FARP1: variants seen among roughly 807,000 people sequenced by gnomAD.
FARP1 encodes FERM, ARH/RhoGEF and pleckstrin domain protein 1, also known as FERM, ARHGEF and pleckstrin domain-containing protein 1.
FARP1 carries 52 observed loss-of-function variants against 128.8 expected under a neutral mutation model. The ratio of observed to expected loss-of-function variants is 0.40; its 90% confidence interval spans 0.32 to 0.51. The LOEUF is 0.51. Ranked by LOEUF, FARP1 falls within the 20% of genes least tolerant of loss-of-function variation. FARP1 has a pLI of 0.45. For synonymous variants in FARP1, 580 were observed against 551.8 expected (o/e 1.05, Z -0.72); for missense variants, 1,333 against 1,367.9 (o/e 0.97, Z 0.40).
upstream of FARP1, chr13:98,142,855 G>A (rs1348081078): frequency 6.6e-6 from 1 of 151,968 alleles, no homozygotes; most frequent in Non-Finnish European, 1.5e-5. Context: ...GCGCCGCGCG[G>A]AGCCCGGCCC....
chr13:98,177,892 C>G (rs185073947), intron 1 of FARP1: 1 of 152,192 alleles, frequency 6.6e-6, no homozygotes, highest in Non-Finnish European at 1.5e-5. Flanking sequence ...AAGCAACACA[C>G]GCGCAGTGCA....
intron 2 of FARP1, chr13:98,333,014 G>T (rs535482465): frequency 6.6e-6 from 1 of 152,234 alleles, no homozygotes; most frequent in Admixed American, 6.5e-5. Flanking sequence ...AAAGATTCAG[G>T]TTCAGTGGGC....
rs1877256603 is a variant in FARP1, at chr13:98,166,207, T to G, written c.-24+22715T>G. ...TAAATAATCTGTAAAATTTTCCCTG[T>G]CAATAGACATCTAGGTTGTTCTGAA... On this transcript the variant is annotated intron_variant, in intron 1 of 26. Coordinates refer to ENST00000319562, the MANE Select transcript of FARP1 (RefSeq NM_005766.4). Among the ~76,000 whole-genome samples, 3 of 152,198 alleles carry G rather than the reference T, an allele frequency of 2.0e-5. No homozygotes were observed. The South Asian group carries it at 6.2e-4, about 32-fold the overall frequency.
intron 3 of FARP1, among the ~76,000 whole-genome samples, chr13:98,351,851 C>G (rs1469020835): frequency 1.3e-5 from 2 of 152,018 alleles, no homozygotes; most frequent in African/African-American, 2.4e-5. Flanking sequence ...GAGCTGGTGC[C>G]AAACCACTCA....
chr13:98,367,052 A>C (rs561673114), intron 4 of FARP1, among the ~76,000 whole-genome samples: 3 of 152,314 alleles, frequency 2.0e-5, no homozygotes, highest in Middle Eastern at 3.4e-3. Flanking sequence ...ATGTATTGCT[A>C]TCATTCCAAA....
chr13:98,170,125 T>A (rs1403903321), intron 1 of FARP1, among the ~76,000 whole-genome samples: 1 of 152,208 alleles, frequency 6.6e-6, no homozygotes, highest in East Asian at 1.9e-4. Context: ...GAAGAGATTC[T>A]TATTCTCTTG....
At chr13:98,209,472 ATTTTTTTTTTT>A (rs534634730) in intron 1 of FARP1, among the ~76,000 whole-genome samples, 1 of 106,484 alleles carries the variant, frequency 9.4e-6, no homozygotes, top group African/African-American at 3.9e-5. Flanking sequence ...GGGAGGAAAG[ATTTTTTTTTTT>A]TTTTTTTTTT....
At chr13:98,292,942 AC>A (rs1332235560) in intron 2 of FARP1, among the ~76,000 whole-genome samples, 2 of 152,184 alleles carry the variant, frequency 1.3e-5, no homozygotes, top group Admixed American at 6.5e-5. Flanking sequence ...TAAGACACTT[AC>A]ATAGAAAATA....
chr13:98,257,373 A>C (rs1213707074), intron 2 of FARP1, among the ~76,000 whole-genome samples: 1 of 152,186 alleles, frequency 6.6e-6, no homozygotes, highest in African/African-American at 2.4e-5. Flanking sequence ...TTTGTCAAAA[A>C]TACACATTCT....
At chr13:98,348,382 T>A (rs66917362) in intron 3 of FARP1, among the ~76,000 whole-genome samples, 16,431 of 152,324 alleles carry the variant, frequency 0.11, 1,164 homozygotes, top group African/African-American at 0.2. Context: ...CCCGTGCTTA[T>A]TACGGCTGCT....
chr13:98,154,520 T>G (rs997842941), intron 1 of FARP1, among the ~76,000 whole-genome samples: 8 of 152,072 alleles, frequency 5.3e-5, no homozygotes, highest in Admixed American at 2.0e-4. Flanking sequence ...AAGGAGTGGA[T>G]TGGAAAGAGC....
At position 98,393,727 on chromosome 13, in the gene FARP1, T is replaced by C; in HGVS notation, c.1164+9T>C. Reference sequence around the variant, plus strand: ...CGGAAGTGCTGGAGCAGGTCAGTGATGGCGCTGTCCTATGATAACTCTGCT... The same window carrying C: ...CGGAAGTGCTGGAGCAGGTCAGTGACGGCGCTGTCCTATGATAACTCTGCT... On this transcript the variant is annotated intron_variant, in intron 12 of 26. Coordinates refer to ENST00000319562, the MANE Select transcript of FARP1 (RefSeq NM_005766.4). 7.5e-6 allele frequency: 12 copies of C among 1,607,526 alleles called. No individual in the cohort carries two copies. Among genetic ancestry groups the C allele is most frequent in the Non-Finnish European group, 1.0e-5 (12 of 1,174,070 alleles).
At chr13:98,154,604 G>T (rs1876369111) in intron 1 of FARP1, among the ~76,000 whole-genome samples, 1 of 152,142 alleles carries the variant, frequency 6.6e-6, no homozygotes, top group Non-Finnish European at 1.5e-5. Flanking sequence ...AGTCCTGTAG[G>T]TGATTATCTC....
At chr13:98,259,243 TTCTC>T (rs1214399743) in intron 2 of FARP1, among the ~76,000 whole-genome samples, 3 of 152,188 alleles carry the variant, frequency 2.0e-5, no homozygotes, top group Non-Finnish European at 4.4e-5. Flanking sequence ...TATTTTTATA[TTCTC>T]TCTCTATGTG....
chr13:98,244,429 TA>T, intron 2 of FARP1: 2 of 1,477,924 alleles, frequency 1.4e-6, no homozygotes, highest in Non-Finnish European at 1.8e-6. Context: ...TACTGTTTTT[TA>T]AAAAACAACA....
chr13:98,353,057 T>C (rs1888500843), intron 3 of FARP1, among the ~76,000 whole-genome samples: 2 of 152,192 alleles, frequency 1.3e-5, no homozygotes, highest in Admixed American at 1.3e-4. Flanking sequence ...CACACACTTT[T>C]AACCAGATCT....
chr13:98,230,673 G>T (rs80034349), intron 2 of FARP1, among the ~76,000 whole-genome samples: 5 of 152,010 alleles, frequency 3.3e-5, no homozygotes, highest in Non-Finnish European at 7.4e-5. Flanking sequence ...TATACATGGT[G>T]CGTGTTCCTC....
chr13:98,339,953 C>T (rs185007065), intron 2 of FARP1, among the ~76,000 whole-genome samples: 2 of 152,146 alleles, frequency 1.3e-5, no homozygotes, highest in Non-Finnish European at 2.9e-5. Context: ...ATTGTATGCA[C>T]TCCATACATT....
chr13:98,188,675 C>A (rs1012803758), intron 1 of FARP1, among the ~76,000 whole-genome samples: 2 of 152,148 alleles, frequency 1.3e-5, no homozygotes, highest in Non-Finnish European at 2.9e-5. Flanking sequence ...CCCAGGCTGA[C>A]CTGCGGGTCC....
Sources: gnomAD v4.1 joint callset for allele counts (sites outside exome capture counted in the v4.1 genomes callset) on GRCh38, gnomAD v4.1.1 for gene constraint, MANE v1.5 for transcripts, NCBI Gene and HGNC (gene_info 2026-07-23, HGNC 2026-07-21) for gene names.